DNAH6: variants seen among roughly 807,000 people sequenced by gnomAD.
DNAH6 encodes axonemal beta dynein heavy chain 6.
DNAH6 carries 340 observed loss-of-function variants against 491.4 expected under a neutral mutation model. The observed-to-expected ratio is 0.69, with a 90% confidence interval of 0.63 to 0.76. The LOEUF is 0.76. Among genes scored for constraint, DNAH6 ranks in the 30% least tolerant of loss-of-function variants. The pLI, the probability that DNAH6 is intolerant of heterozygous loss-of-function variation, is 0.00. For synonymous variants in DNAH6, 1,603 were observed against 1,686.1 expected, an observed-to-expected ratio of 0.95 and a Z score of 1.21; for missense variants, 4,443 against 4,972.2, an observed-to-expected ratio of 0.89 and a Z score of 3.20.
chr2:84,704,438 A>T, intron 51 of DNAH6, 136 bp downstream of exon 51: 1 of 687,354 alleles, frequency 1.5e-6, no homozygotes, highest in East Asian at 2.7e-5. Context: ...AATTGATTCA[A>T]GGAGCATTTT....
intron 13 of DNAH6, 124 bp from the exon 14 acceptor site, chr2:84,579,403 T>G: frequency 9.8e-7 from 1 of 1,023,366 alleles, no homozygotes; most frequent in Non-Finnish European, 1.4e-6. Context: ...AAAAAAAGTC[T>G]CTTCGTATTC....
intron 68 of DNAH6, among the ~76,000 whole-genome samples, chr2:84,793,559 C>A (rs916032847): frequency 6.6e-6 from 1 of 152,158 alleles, no homozygotes; most frequent in Non-Finnish European, 1.5e-5. Flanking sequence ...GCCAAGGACC[C>A]AAGAGGAGCT....
intron 23 of DNAH6, 72 bp from the exon 24 acceptor site, chr2:84,619,613 A>G: frequency 7.2e-7 from 1 of 1,382,152 alleles, no homozygotes; most frequent in Non-Finnish European, 1.0e-6. Context: ...TGGCTAAGGA[A>G]TTTATCTTTT....
chr2:84,600,598 A>C (rs78227949), intron 18 of DNAH6, among the ~76,000 whole-genome samples: 4,328 of 152,168 alleles, frequency 0.028, 221 homozygotes, highest in African/African-American at 0.099. Context: ...ATATCCTTCA[A>C]TTTGGATTTG....
the DNAH6 span, among the ~76,000 whole-genome samples, chr2:84,496,446 C>G: frequency 6.6e-6 from 1 of 152,112 alleles, no homozygotes; most frequent in African/African-American, 2.4e-5. Flanking sequence ...GTTATGCAAA[C>G]TGTTTTATGA....
rs184975005 is a variant in DNAH6, at chr2:84,624,273, T to C, written c.4080T>C (p.Asn1360=). 2.2e-5 allele frequency: 34 copies of C among 1,542,634 alleles called. No homozygotes were observed. The East Asian group carries it at 4.2e-4, about 19-fold the overall frequency. ...NFEKVNFERL[N]ALAAIVQGSL... The stretch of plus-strand genomic sequence containing the variant: ...ATTTTTTTTATTTGTAGAGATTAAA[T>C]GCCCTAGCTGCAATAGTTCAAGGCA... Residue 1360 remains asparagine, a synonymous_variant, in exon 27 of 77, where the codon AAT becomes AAC. Coordinates refer to ENST00000389394, the MANE Select transcript of DNAH6 (RefSeq NM_001370.2).
chr2:84,517,439 C>T (rs1675706915), intron 1 of DNAH6, among the ~76,000 whole-genome samples: 1 of 152,136 alleles, frequency 6.6e-6, no homozygotes, highest in South Asian at 2.1e-4. Flanking sequence ...GAATTAGCTG[C>T]ATTTTGAACA....
chr2:84,584,355 A>T, intron 15 of DNAH6, 105 bp downstream of exon 15: 3 of 1,152,764 alleles, frequency 2.6e-6, no homozygotes, highest in Non-Finnish European at 3.6e-6. Flanking sequence ...TATTTACAAT[A>T]TATAATGTGA....
chr2:84,560,559 T>C (rs558092409), intron 11 of DNAH6, among the ~76,000 whole-genome samples: 4,302 of 151,606 alleles, frequency 0.028, 221 homozygotes, highest in African/African-American at 0.099. Context: ...GCTGCACCCA[T>C]TAACTCGTCA....
At chr2:84,522,010 A>AATGTCATTT (rs947948578) in intron 2 of DNAH6, among the ~76,000 whole-genome samples, 1 of 152,252 alleles carries the variant, frequency 6.6e-6, no homozygotes, top group Middle Eastern at 3.4e-3. Flanking sequence ...TTCTGTGAAG[A>AATGTCATTT]ATGTCATTTG....
chr2:84,538,789 G>C (rs1677957251), intron 4 of DNAH6, among the ~76,000 whole-genome samples: 1 of 151,850 alleles, frequency 6.6e-6, no homozygotes, highest in South Asian at 2.1e-4. Context: ...AACTAATTTT[G>C]GTCTCTGGTT....
At chr2:84,714,074 C>G (rs899003915) in intron 57 of DNAH6, among the ~76,000 whole-genome samples, 3 of 152,204 alleles carry the variant, frequency 2.0e-5, no homozygotes, top group Admixed American at 1.3e-4. Context: ...CACAATCCCC[C>G]TCACATGCCC....
At chr2:84,744,099 A>T (rs1672751525) in intron 62 of DNAH6, among the ~76,000 whole-genome samples, 1 of 152,192 alleles carries the variant, frequency 6.6e-6, no homozygotes. Flanking sequence ...TCTTGCAAAG[A>T]TGAACACTAC....
intron 33 of DNAH6, among the ~76,000 whole-genome samples, chr2:84,649,885 A>G (rs1690259427): frequency 6.6e-6 from 1 of 152,164 alleles, no homozygotes; most frequent in African/African-American, 2.4e-5. Flanking sequence ...ACACTTACCT[A>G]TGTAACAAAC....
At chr2:84,759,674 T>C (rs1185102135) in intron 63 of DNAH6, among the ~76,000 whole-genome samples, 4 of 152,032 alleles carry the variant, frequency 2.6e-5, no homozygotes, top group African/African-American at 9.7e-5. Context: ...TTACTATCAA[T>C]AAAATGACCA....
chr2:84,466,787 T>A, the DNAH6 span, among the ~76,000 whole-genome samples: 1 of 152,202 alleles, frequency 6.6e-6, no homozygotes, highest in Non-Finnish European at 1.5e-5. Context: ...AAGGTAACAA[T>A]CATTTGTGGA....
intron 17 of DNAH6, among the ~76,000 whole-genome samples, chr2:84,594,785 T>C (rs1007457144): frequency 2.6e-5 from 4 of 152,190 alleles, no homozygotes; most frequent in African/African-American, 4.8e-5. Flanking sequence ...TAAAAAACAG[T>C]AACATGGGAA....
chr2:84,728,813 C>T (rs773424573), intron 61 of DNAH6, among the ~76,000 whole-genome samples: 4 of 152,038 alleles, frequency 2.6e-5, no homozygotes, highest in Non-Finnish European at 4.4e-5. Flanking sequence ...GCTTAACCCA[C>T]ACACATACCA....
intron 30 of DNAH6, 33 bp downstream of exon 30, chr2:84,634,674 C>A: frequency 6.8e-7 from 1 of 1,468,122 alleles, no homozygotes. Flanking sequence ...TTCAAGGTAG[C>A]AATCCTTAAA....
Sources: gnomAD v4.1 joint callset for allele counts (sites outside exome capture counted in the v4.1 genomes callset) on GRCh38, gnomAD v4.1.1 for gene constraint, MANE v1.5 for transcripts, NCBI Gene and HGNC (gene_info 2026-07-23, HGNC 2026-07-21) for gene names.